Variants in ZNF713 observed in about 807,000 individuals in gnomAD.
ZNF713 encodes zinc finger protein 713.
Under a neutral mutation model 28.7 loss-of-function variants are expected in ZNF713, and 21 were observed. That is an observed-to-expected ratio of 0.73 (90% CI 0.52 to 1.05). ZNF713 has a LOEUF of 1.05. ZNF713 is among the 50% of genes least tolerant of loss of function. The pLI, the probability that ZNF713 is intolerant of heterozygous loss-of-function variation, is 0.00. For missense variants in ZNF713, 458 were observed against 532.4 expected (o/e 0.86, Z 1.37); for synonymous variants, 167 against 178.0 (o/e 0.94, Z 0.49).
intron 4 of ZNF713, among the ~76,000 whole-genome samples, chr7:55,917,233 AC>A (rs1422639542): frequency 2.0e-5 from 3 of 149,298 alleles, no homozygotes; most frequent in Non-Finnish European, 4.4e-5. Context: ...AAACAAACAA[AC>A]AAAAAACACC....
chr7:55,892,238 G>A (rs189579539), intron 1 of ZNF713, among the ~76,000 whole-genome samples: 198 of 136,772 alleles, frequency 1.4e-3, no homozygotes, highest in African/African-American at 5.1e-3. Context: ...AGATCGCGCC[G>A]CTGCACTCCA....
At chr7:55,917,704 CA>C (rs59443993) in intron 4 of ZNF713, among the ~76,000 whole-genome samples, 210 of 123,046 alleles carry the variant, frequency 1.7e-3, no homozygotes, top group Non-Finnish European at 1.7e-3. Context: ...GACCCTGTCT[CA>C]AAAAAAAAAA....
chr7:55,917,968 T>G (rs1157860333), intron 4 of ZNF713: 8 of 447,608 alleles, frequency 1.8e-5, no homozygotes, highest in Non-Finnish European at 4.5e-6. Context: ...GATTGCATTT[T>G]CAGAAAAATG....
At position 55,939,308 on chromosome 7, in the gene ZNF713, C is replaced by G; in HGVS notation, c.634C>G (p.Gln212Glu). 1 of 1,614,110 alleles carries G rather than the reference C, an allele frequency of 6.2e-7. No homozygotes were observed. Among genetic ancestry groups the G allele is most frequent in the Non-Finnish European group, 8.5e-7 (1 of 1,180,004 alleles). ...TAAAATACCCCTGAATTCTGACACA[C>G]AGGGAAACAGCATCAAACATAATTC... The part of the protein sequence containing the change: ...SIKIPLNSDT[Q>E]GNSIKHNSDL... Residue 212 changes from glutamine to glutamate, a missense_variant, in exon 7 of 7, where the codon CAG becomes GAG. Transcript: ENST00000429591.
chr7:55,940,149 G>C lies in ZNF713; in HGVS notation c.*143G>C, dbSNP rs933012204. ...TGTTTTGTTTTGTTTTTGAGACTGA[G>C]TCTCACTCTGTCACCCAGGCTGAAG... is the stretch of plus-strand genomic sequence containing the variant. On this transcript the variant is annotated 3_prime_UTR_variant, in exon 7 of 7. Transcript: ENST00000429591. 30 of 1,333,534 alleles carry C rather than the reference G, an allele frequency of 2.2e-5. No individual in the cohort carries two copies. The highest frequency in any genetic ancestry group is 2.9e-5 in the Non-Finnish European group (30 of 1,017,838). 82.6% of individuals were successfully genotyped at this position (1,333,534 alleles called of 1,614,324 possible).
intron 1 of ZNF713, among the ~76,000 whole-genome samples, chr7:55,901,802 C>T (rs1178168628): frequency 1.3e-5 from 2 of 152,242 alleles, no homozygotes; most frequent in African/African-American, 2.4e-5. Context: ...GATTTCACTG[C>T]AGCCATAGTG....
chr7:55,904,463 T>TAAAA lies in ZNF713; in HGVS notation c.-582-1768_-582-1765dup, dbSNP rs71015118. ...GGACAACAGAGCCAGACTGTATCTT[T>TAAAA]AAAAAAAAAAAAAAAAAAAAAAAAA... On this transcript the variant is annotated intron_variant, in intron 1 of 6. Transcript: ENST00000429591. 9.2e-3 allele frequency among the ~76,000 whole-genome samples: 375 copies of TAAAA among 40,970 alleles called. 1 individual carries two copies. Among genetic ancestry groups the TAAAA allele is most frequent in the East Asian group, 0.034 (30 of 872 alleles). The allele number at this position is 40,970 out of a possible 152,430, so 26.9% of individuals were successfully genotyped here.
intron 6 of ZNF713, among the ~76,000 whole-genome samples, chr7:55,927,573 T>G (rs1267352291): frequency 6.6e-6 from 1 of 151,694 alleles, no homozygotes; most frequent in East Asian, 1.9e-4. Flanking sequence ...TTGTTTATAA[T>G]GCTGAAGGGA....
At chr7:55,932,324 T>G (rs1786226235) in intron 6 of ZNF713, among the ~76,000 whole-genome samples, 1 of 149,632 alleles carries the variant, frequency 6.7e-6, no homozygotes, top group Non-Finnish European at 1.5e-5. Flanking sequence ...AGCCCAGGAA[T>G]TTGAGACCAG....
intron 4 of ZNF713, 41 bp downstream of exon 4, chr7:55,912,764 C>G: frequency 6.6e-7 from 1 of 1,526,544 alleles, no homozygotes; most frequent in South Asian, 1.1e-5. Flanking sequence ...CCAGTGTTCT[C>G]AGAATGTGGG....
intron 1 of ZNF713, among the ~76,000 whole-genome samples, chr7:55,901,397 CAT>C (rs1266780990): frequency 7.2e-5 from 11 of 152,332 alleles, no homozygotes; most frequent in African/African-American, 2.4e-4. Context: ...CCTCCCACAA[CAT>C]GTGGGAATTC....
At chr7:55,919,512 T>TTTTTTTG (rs1310500062) in intron 4 of ZNF713, among the ~76,000 whole-genome samples, 13 of 117,860 alleles carry the variant, frequency 1.1e-4, no homozygotes, top group Non-Finnish European at 1.6e-4. Context: ...TTTTTTTTTT[T>TTTTTTTG]TTTTTTTTTT....
chr7:55,903,015 A>G (rs1002726378), intron 1 of ZNF713, among the ~76,000 whole-genome samples: 5 of 142,902 alleles, frequency 3.5e-5, no homozygotes, highest in African/African-American at 5.1e-5. Context: ...AAAAAAAAAA[A>G]GAGTGTTAAT....
chr7:55,931,117 C>G (rs1256191888), intron 6 of ZNF713, among the ~76,000 whole-genome samples: 1 of 152,028 alleles, frequency 6.6e-6, no homozygotes, highest in African/African-American at 2.4e-5. Context: ...GAAACCCTGT[C>G]TCTACTAAAG....
intron 4 of ZNF713, among the ~76,000 whole-genome samples, chr7:55,914,211 T>C (rs1437991781): frequency 6.6e-6 from 1 of 152,188 alleles, no homozygotes; most frequent in African/African-American, 2.4e-5. Context: ...AAGATCTCTT[T>C]TATGGATCGC....
intron 1 of ZNF713, among the ~76,000 whole-genome samples, chr7:55,892,104 C>A (rs1463829340): frequency 6.6e-6 from 1 of 151,588 alleles, no homozygotes; most frequent in Non-Finnish European, 1.5e-5. Context: ...ACAGTGAAAC[C>A]CCGTCTCTAC....
rs190718269 is a variant in ZNF713, at chr7:55,913,895, A to G, written c.87+1172A>G. Among the ~76,000 whole-genome samples, 69 of 152,228 alleles carry G rather than the reference A, an allele frequency of 4.5e-4. 2 individuals are homozygous for G. In the East Asian group the frequency reaches 0.012, roughly 27 times the overall value. ...GGGAGGCTGAGGTGGGCAGATCACA[A>G]GGTCAGGAGTTCCAAGACCAGCTTG... On this transcript the variant is annotated intron_variant, in intron 4 of 6. Transcript: ENST00000429591.
chr7:55,937,488 C>T (rs1337861235), intron 6 of ZNF713, among the ~76,000 whole-genome samples: 1 of 151,964 alleles, frequency 6.6e-6, no homozygotes, highest in Non-Finnish European at 1.5e-5. Flanking sequence ...CTTTCTGTAA[C>T]CCATCCAGGG....
rs145383448 is a variant in ZNF713, at chr7:55,907,051, G to C, written c.-456+672G>C. ...TATAACGTTTTCTGGAGCAAGGAAGGCCTCTCCACTTTTTTCTCTTTTAGA... is the reference window on the plus strand; with the variant it reads ...TATAACGTTTTCTGGAGCAAGGAAGCCCTCTCCACTTTTTTCTCTTTTAGA... On this transcript the variant is annotated intron_variant, in intron 2 of 6. Coordinates refer to ENST00000429591, the MANE Select transcript of ZNF713 (RefSeq NM_182633.3). Among the ~76,000 whole-genome samples, 405 of 152,208 alleles carry C rather than the reference G, an allele frequency of 2.7e-3. 7 individuals carry two copies. In the South Asian group the frequency reaches 0.034, roughly 13 times the overall value.
Sources: gnomAD v4.1 joint callset for allele counts (sites outside exome capture counted in the v4.1 genomes callset) on GRCh38, gnomAD v4.1.1 for gene constraint, MANE v1.5 for transcripts, NCBI Gene and HGNC (gene_info 2026-07-23, HGNC 2026-07-21) for gene names.